Variants in ANKDD1B observed in about 807,000 individuals in gnomAD.
ANKDD1B encodes ankyrin repeat and death domain containing 1B.
In ANKDD1B, 57 loss-of-function variants were observed where a neutral mutation model predicts 59.7. That is an observed-to-expected ratio of 0.95 (90% CI 0.77 to 1.19). The LOEUF is 1.19. Among genes scored for constraint, ANKDD1B ranks in the 50% most tolerant of loss-of-function variants. The pLI is 0.00. For synonymous variants in ANKDD1B, 216 were observed against 239.5 expected, an observed-to-expected ratio of 0.90 and a Z score of 0.91; for missense variants, 602 against 641.9, an observed-to-expected ratio of 0.94 and a Z score of 0.67.
intron 7 of ANKDD1B, among the ~76,000 whole-genome samples, chr5:75,642,411 AGG>A (rs1404113348): frequency 6.7e-6 from 1 of 148,790 alleles, no homozygotes; most frequent in African/African-American, 2.5e-5. Context: ...GAGCCGAAGC[AGG>A]GCGAGGCATT....
At chr5:75,631,909 T>C (rs1163823494) in intron 5 of ANKDD1B, among the ~76,000 whole-genome samples, 1 of 151,956 alleles carries the variant, frequency 6.6e-6, no homozygotes, top group Non-Finnish European at 1.5e-5. Context: ...AGTTTGAGAC[T>C]AGCTTGGCCA....
At chr5:75,636,151 G>C (rs1774295778) in intron 7 of ANKDD1B, among the ~76,000 whole-genome samples, 1 of 152,176 alleles carries the variant, frequency 6.6e-6, no homozygotes, top group African/African-American at 2.4e-5. Flanking sequence ...GAAGCCTACA[G>C]GGCAAGAAAG....
intron 2 of ANKDD1B, among the ~76,000 whole-genome samples, chr5:75,617,787 C>T (rs1773750280): frequency 1.3e-5 from 2 of 152,164 alleles, no homozygotes. Context: ...CTGACTCTGG[C>T]TTTAAGGAAG....
At chr5:75,642,292 G>A (rs557509279) in intron 7 of ANKDD1B, among the ~76,000 whole-genome samples, 6 of 152,192 alleles carry the variant, frequency 3.9e-5, no homozygotes, top group Middle Eastern at 3.4e-3. Flanking sequence ...CCCAGCGTGA[G>A]CGACGCAGAA....
intron 5 of ANKDD1B, among the ~76,000 whole-genome samples, chr5:75,630,243 C>T (rs1364920981): frequency 6.6e-6 from 1 of 152,134 alleles, no homozygotes; most frequent in Admixed American, 6.5e-5. Context: ...TGTTTAAAAA[C>T]CACATATATC....
intron 7 of ANKDD1B, among the ~76,000 whole-genome samples, chr5:75,644,924 A>C (rs1579957513): frequency 8.4e-6 from 1 of 119,188 alleles, no homozygotes; most frequent in African/African-American, 5.7e-5. Flanking sequence ...CAATCAAACT[A>C]GAACTCAGGA....
chr5:75,662,881 C>T (rs1404844247), intron 10 of ANKDD1B, among the ~76,000 whole-genome samples: 1 of 151,996 alleles, frequency 6.6e-6, no homozygotes, highest in Admixed American at 6.6e-5. Context: ...CTATGAATTA[C>T]CAGGGTTGCC....
Position 75,658,706 on chromosome 5 carries a change from T to C in ANKDD1B, c.997-577T>C, listed in dbSNP as rs369540074. Among the ~76,000 whole-genome samples, 4 of 152,230 alleles carry C rather than the reference T, an allele frequency of 2.6e-5. No individual in the cohort carries two copies. In the East Asian group the frequency reaches 5.8e-4, roughly 22 times the overall value. On this transcript the variant is annotated intron_variant, in intron 9 of 13. Transcript: ENST00000601380. ...CATTAAATCAAGCTCAACTAGATAG[T>C]ATCATTTCCTAAAGTTTCAAATGTT...
intron 7 of ANKDD1B, among the ~76,000 whole-genome samples, chr5:75,642,612 G>A (rs1197701421): frequency 3.1e-5 from 4 of 129,702 alleles, no homozygotes; most frequent in Non-Finnish European, 4.7e-5. Flanking sequence ...ACGGAATCTC[G>A]CTGATTGCTA....
chr5:75,641,983 A>G (rs1029347175), intron 7 of ANKDD1B, among the ~76,000 whole-genome samples: 4 of 152,248 alleles, frequency 2.6e-5, no homozygotes, highest in African/African-American at 9.6e-5. Flanking sequence ...TGGTGCATCT[A>G]CTTGGAAAAT....
At chr5:75,623,494 T>G (rs1260590697) in intron 3 of ANKDD1B, among the ~76,000 whole-genome samples, 3 of 152,334 alleles carry the variant, frequency 2.0e-5, no homozygotes, top group Non-Finnish European at 4.4e-5. Flanking sequence ...AGTCAGTCAT[T>G]GTTCATCATT....
At chr5:75,628,532 G>A (rs1021842571) in intron 5 of ANKDD1B, among the ~76,000 whole-genome samples, 3 of 152,140 alleles carry the variant, frequency 2.0e-5, no homozygotes, top group African/African-American at 7.2e-5. Flanking sequence ...TGATATTTAA[G>A]GCATCTTCAC....
intron 5 of ANKDD1B, 165 bp from the exon 6 acceptor site, chr5:75,634,732 AC>A: frequency 3.7e-6 from 2 of 540,180 alleles, no homozygotes; most frequent in Non-Finnish European, 6.7e-6. Context: ...TTGAGTGAAA[AC>A]CCAGAACCTG....
chr5:75,628,655 A>C (rs1164866951), intron 5 of ANKDD1B, among the ~76,000 whole-genome samples: 1 of 152,192 alleles, frequency 6.6e-6, no homozygotes, highest in African/African-American at 2.4e-5. Flanking sequence ...GAACTCCAAA[A>C]GCTAACAAGG....
Position 75,670,555 on chromosome 5 carries a change from A to G in ANKDD1B, c.1526-424A>G, listed in dbSNP as rs928863970. On this transcript the variant is annotated intron_variant, in intron 13 of 13. Coordinates refer to ENST00000601380, the MANE Select transcript of ANKDD1B (RefSeq NM_001276713.2). ...GAAGTTTGTATATTTGTTTTTCACA[A>G]TGAAAATCAGATTTGCTTCAGCCTC... 5.2e-4 allele frequency among the ~76,000 whole-genome samples: 79 copies of G among 152,344 alleles called. 1 individual carries two copies. The highest frequency in any genetic ancestry group is 1.0e-4 in the Non-Finnish European group (7 of 68,034).
At chr5:75,615,846 A>G (rs1265951378) in intron 1 of ANKDD1B, among the ~76,000 whole-genome samples, 1 of 152,170 alleles carries the variant, frequency 6.6e-6, no homozygotes, top group Admixed American at 6.5e-5. Context: ...TAGGACTTCA[A>G]CATAGGAATT....
chr5:75,620,490 T>C, intron 3 of ANKDD1B, 77 bp downstream of exon 3: 2 of 769,284 alleles, frequency 2.6e-6, no homozygotes, highest in Non-Finnish European at 4.1e-6. Flanking sequence ...GTTAGACATC[T>C]TTTCTTCACA....
intron 3 of ANKDD1B, among the ~76,000 whole-genome samples, chr5:75,622,693 T>G (rs573299757): frequency 7.9e-5 from 12 of 152,326 alleles, no homozygotes; most frequent in African/African-American, 2.9e-4. Flanking sequence ...AGACTGGCAA[T>G]GAGGACAGGT....
At chr5:75,624,847 C>T (rs1773948261) in intron 3 of ANKDD1B, among the ~76,000 whole-genome samples, 1 of 152,166 alleles carries the variant, frequency 6.6e-6, no homozygotes, top group Non-Finnish European at 1.5e-5. Context: ...TCCTTTTTAA[C>T]AAATGGGATT....
Sources: allele counts gnomAD v4.1 joint callset (sites outside exome capture counted in the v4.1 genomes callset), GRCh38; gene constraint gnomAD v4.1.1; transcripts MANE v1.5; gene names NCBI Gene and HGNC (gene_info 2026-07-23, HGNC 2026-07-21).